GRM1: variants seen among roughly 807,000 people sequenced by gnomAD.
GRM1 encodes metabotropic glutamate receptor 1.
Under a neutral mutation model 90.9 loss-of-function variants are expected in GRM1, and 33 were observed. That is an observed-to-expected ratio of 0.36 (90% CI 0.28 to 0.49). GRM1 has a LOEUF of 0.49. Ranked by LOEUF, GRM1 falls within the 20% of genes least tolerant of loss-of-function variation. GRM1 has a pLI of 0.99. For synonymous variants in GRM1, 700 were observed against 613.2 expected (o/e 1.14, Z -2.09); for missense variants, 1,190 against 1,534.3 (o/e 0.78, Z 3.75).
At chr6:146,089,871 G>T (rs1317284458) in intron 1 of GRM1, among the ~76,000 whole-genome samples, 1 of 152,058 alleles carries the variant, frequency 6.6e-6, no homozygotes, top group Non-Finnish European at 1.5e-5. Context: ...CTGCCTACCA[G>T]TGAGTTTAAC....
chr6:146,104,422 A>G (rs1777156301), intron 1 of GRM1, among the ~76,000 whole-genome samples: 1 of 152,134 alleles, frequency 6.6e-6, no homozygotes, highest in Non-Finnish European at 1.5e-5. Flanking sequence ...CCTGGGCGAT[A>G]GAGTGAGACT....
intron 1 of GRM1, among the ~76,000 whole-genome samples, chr6:146,050,639 GTTTACTGCA>G (rs1791490886): frequency 6.6e-6 from 1 of 152,030 alleles, no homozygotes; most frequent in South Asian, 2.1e-4. Flanking sequence ...AGTAATGGGA[GTTTACTGCA>G]TTTTGAAATT....
intron 2 of GRM1, among the ~76,000 whole-genome samples, chr6:146,179,822 C>T (rs1778478642): frequency 6.6e-6 from 1 of 151,998 alleles, no homozygotes; most frequent in African/African-American, 2.4e-5. Flanking sequence ...GCCCAGAACT[C>T]AGAACCTTTA....
chr6:146,302,026 T>G (rs1018149165), intron 2 of GRM1, among the ~76,000 whole-genome samples: 4 of 152,036 alleles, frequency 2.6e-5, no homozygotes, highest in African/African-American at 9.7e-5. Flanking sequence ...TAACAGTGTC[T>G]AGGCTGGGAT....
intron 5 of GRM1, among the ~76,000 whole-genome samples, chr6:146,364,748 CTCTG>C (rs1234772313): frequency 1.8e-4 from 27 of 151,378 alleles, no homozygotes; most frequent in Non-Finnish European, 3.7e-4. Flanking sequence ...GCCTCTCTCT[CTCTG>C]TCTGTCTTTC....
intron 1 of GRM1, among the ~76,000 whole-genome samples, chr6:146,079,637 G>T (rs1157708873): frequency 6.6e-6 from 1 of 152,132 alleles, no homozygotes. Flanking sequence ...CTCCCATTTT[G>T]TATGGTACCT....
intron 5 of GRM1, among the ~76,000 whole-genome samples, chr6:146,386,066 T>C (rs1033551798): frequency 2.0e-5 from 3 of 152,044 alleles, no homozygotes; most frequent in Non-Finnish European, 2.9e-5. Context: ...CTGATTATTA[T>C]GATAAATGTA....
At chr6:146,327,518 AT>A (rs1784435834) in intron 3 of GRM1, among the ~76,000 whole-genome samples, 1 of 152,264 alleles carries the variant, frequency 6.6e-6, no homozygotes, top group African/African-American at 2.4e-5. Flanking sequence ...TGTCCTAAGC[AT>A]TTTCCGTAAC....
chr6:146,059,085 T>C (rs1044863646), intron 1 of GRM1, among the ~76,000 whole-genome samples: 2 of 152,160 alleles, frequency 1.3e-5, no homozygotes, highest in Non-Finnish European at 2.9e-5. Flanking sequence ...ATCCCAAATA[T>C]TCTTAATGGC....
At chr6:146,394,932 C>A (rs1490495610) in intron 6 of GRM1, among the ~76,000 whole-genome samples, 1 of 152,074 alleles carries the variant, frequency 6.6e-6, no homozygotes, top group East Asian at 1.9e-4. Context: ...ACAAATGAAG[C>A]ATGAGCTGGA....
chr6:146,084,101 G>T (rs1478579305), intron 1 of GRM1, among the ~76,000 whole-genome samples: 1 of 151,798 alleles, frequency 6.6e-6, no homozygotes, highest in African/African-American at 2.4e-5. Flanking sequence ...ATTTTTTATT[G>T]TGTCTATTTG....
intron 7 of GRM1, among the ~76,000 whole-genome samples, chr6:146,412,269 T>C (rs571459592): frequency 6.6e-6 from 1 of 152,314 alleles, no homozygotes; most frequent in East Asian, 1.9e-4. Flanking sequence ...CATATCGTTC[T>C]TTCAGGGGCA....
intron 2 of GRM1, among the ~76,000 whole-genome samples, chr6:146,282,099 T>C (rs906025606): frequency 6.6e-6 from 1 of 152,158 alleles, no homozygotes; most frequent in African/African-American, 2.4e-5. Flanking sequence ...GAGTGGATAA[T>C]ACTGTCAGCA....
intron 1 of GRM1, among the ~76,000 whole-genome samples, chr6:146,104,275 C>A (rs568683463): frequency 7.2e-5 from 11 of 152,100 alleles, no homozygotes; most frequent in South Asian, 4.1e-4. Flanking sequence ...CCCGTCTCTA[C>A]TAAAAATACA....
At chr6:146,354,964 G>A (rs1451446102) in intron 4 of GRM1, among the ~76,000 whole-genome samples, 1 of 144,548 alleles carries the variant, frequency 6.9e-6, no homozygotes, top group African/African-American at 2.5e-5. Flanking sequence ...CCAAAATATT[G>A]TGAATTTTTT....
chr6:146,093,774 G>C (rs555230580), intron 1 of GRM1, among the ~76,000 whole-genome samples: 1 of 151,966 alleles, frequency 6.6e-6, no homozygotes, highest in South Asian at 2.1e-4. Context: ...CAGGAACAAA[G>C]AGCCACTCTC....
At chr6:146,279,090 T>C (rs575376871) in intron 2 of GRM1, among the ~76,000 whole-genome samples, 105 of 152,300 alleles carry the variant, frequency 6.9e-4, no homozygotes, top group African/African-American at 1.9e-3. Flanking sequence ...ATTTTTCTAT[T>C]GTGTCTACCA....
At chr6:146,361,753 C>T (rs921460953) in intron 5 of GRM1, among the ~76,000 whole-genome samples, 15 of 152,200 alleles carry the variant, frequency 9.9e-5, no homozygotes, top group Non-Finnish European at 1.5e-5. Context: ...AGTGCCAAAG[C>T]TGGGCTTGGA....
At chr6:146,128,456 A>C (rs1776277099) in intron 1 of GRM1, among the ~76,000 whole-genome samples, 1 of 152,190 alleles carries the variant, frequency 6.6e-6, no homozygotes, top group Non-Finnish European at 1.5e-5. Flanking sequence ...GAGATAAGAA[A>C]AATGCAGCAT....
Sources: allele counts gnomAD v4.1 joint callset (sites outside exome capture counted in the v4.1 genomes callset), GRCh38; gene constraint gnomAD v4.1.1; transcripts MANE v1.5; gene names NCBI Gene and HGNC (gene_info 2026-07-23, HGNC 2026-07-21).